The following ZRANB3 variants were observed in gnomAD, a reference collection of about 807,000 sequenced individuals.
The protein encoded by ZRANB3 is zinc finger RANBP2-type containing 3, also known as DNA annealing helicase and endonuclease ZRANB3.
In ZRANB3, 125 loss-of-function variants were observed where a neutral mutation model predicts 133.8. The observed-to-expected ratio is 0.93, with a 90% CI of 0.81 to 1.08. The LOEUF (loss-of-function observed/expected upper bound fraction) is 1.08. Ranked by LOEUF, ZRANB3 falls within the 50% of genes least tolerant of loss-of-function variation. The probability of loss-of-function intolerance (pLI) is 0.00; values close to 1 mark genes in which losing one functional copy is unlikely to be tolerated. For synonymous variants in ZRANB3, 387 were observed against 432.7 expected, an observed-to-expected ratio of 0.89 and a Z score of 1.31; for missense variants, 1,229 against 1,275.5, an observed-to-expected ratio of 0.96 and a Z score of 0.56.
intron 1 of ZRANB3, among the ~76,000 whole-genome samples, chr2:135,528,102 A>C (rs184108524): frequency 7.7e-4 from 117 of 152,006 alleles, no homozygotes; most frequent in Admixed American, 6.2e-3. Context: ...ATGAATCTCA[A>C]CTCAAATTTA....
intron 8 of ZRANB3, among the ~76,000 whole-genome samples, chr2:135,280,083 A>C (rs944125589): frequency 6.6e-6 from 1 of 152,230 alleles, no homozygotes; most frequent in Non-Finnish European, 1.5e-5. Context: ...TTAAGTACAT[A>C]GTATGTGGAA....
chr2:135,364,177 T>G (rs888037196), intron 3 of ZRANB3, among the ~76,000 whole-genome samples: 2 of 152,106 alleles, frequency 1.3e-5, no homozygotes, highest in Admixed American at 1.3e-4. Context: ...AAAATGATTC[T>G]TATGTGGATG....
intron 2 of ZRANB3, among the ~76,000 whole-genome samples, chr2:135,453,406 G>A (rs954737605): frequency 2.6e-5 from 4 of 152,190 alleles, no homozygotes; most frequent in Admixed American, 1.3e-4. Flanking sequence ...TTCTCCTCAA[G>A]AAATAGATTT....
intron 1 of ZRANB3, among the ~76,000 whole-genome samples, chr2:135,529,248 G>A (rs919064490): frequency 3.9e-5 from 6 of 152,156 alleles, no homozygotes; most frequent in Non-Finnish European, 8.8e-5. Flanking sequence ...AAGGGCACAC[G>A]CATAGGGAGG....
At chr2:135,223,748 T>C (rs2105059111) in intron 15 of ZRANB3, among the ~76,000 whole-genome samples, 1 of 152,126 alleles carries the variant, frequency 6.6e-6, no homozygotes, top group African/African-American at 2.4e-5. Context: ...TGCAAAGGGG[T>C]ACTGAATCTA....
intron 15 of ZRANB3, among the ~76,000 whole-genome samples, chr2:135,221,441 A>G (rs1449880843): frequency 6.6e-6 from 1 of 152,198 alleles, no homozygotes; most frequent in Non-Finnish European, 1.5e-5. Flanking sequence ...CAGCAGGTGC[A>G]TTATACCCTC....
At chr2:135,263,800 G>C (rs1680085702) in intron 12 of ZRANB3, among the ~76,000 whole-genome samples, 1 of 150,504 alleles carries the variant, frequency 6.6e-6, no homozygotes, top group African/African-American at 2.5e-5. Flanking sequence ...TTTTTAGACA[G>C]AGTCTCACTC....
intron 2 of ZRANB3, among the ~76,000 whole-genome samples, chr2:135,428,846 G>A (rs376167733): frequency 1.3e-5 from 2 of 152,166 alleles, no homozygotes; most frequent in Non-Finnish European, 2.9e-5. Context: ...ACTGTCTCAC[G>A]CCATCCGGAA....
rs976642320 is a variant in ZRANB3, at chr2:135,244,298, C to G, written c.1540-13371G>C. Among the ~76,000 whole-genome samples the G allele has an allele frequency of 2.6e-5, 4 of 152,120 alleles. No homozygotes were observed. In the East Asian group the frequency reaches 7.8e-4, roughly 30 times the overall value. On this transcript the variant is annotated intron_variant, in intron 12 of 20. Coordinates refer to ENST00000264159, the MANE Select transcript of ZRANB3 (RefSeq NM_032143.4). ...CCACCCTGGACAACATATCAAAACC[C>G]CATCTCTACTAAAAACACAAAAATT...
At chr2:135,235,457 T>C (rs1695242880) in intron 12 of ZRANB3, among the ~76,000 whole-genome samples, 1 of 152,156 alleles carries the variant, frequency 6.6e-6, no homozygotes, top group African/African-American at 2.4e-5. Flanking sequence ...ATCATCCTGA[T>C]ACCAAAGCCT....
rs1437098130 is a variant in ZRANB3 at position 135,286,327 on chromosome 2, G to C, written c.967-10572C>G. Among the ~76,000 whole-genome samples, 19 of 152,218 alleles carry C rather than the reference G, an allele frequency of 1.2e-4. No individual in the cohort carries two copies. The East Asian group carries it at 3.3e-3, about 26-fold the overall frequency. ...GAGTCTGGCTTTGCCACCCAGGCTG[G>C]AGTGCAGTGGTACAATCTCGGCTCA... On this transcript the variant is annotated intron_variant, in intron 8 of 20. Coordinates refer to ENST00000264159, the MANE Select transcript of ZRANB3 (RefSeq NM_032143.4).
At chr2:135,209,074 A>G (rs1202532946) in intron 17 of ZRANB3, 96 bp from the exon 18 acceptor site, 1 of 1,180,594 alleles carries the variant, frequency 8.5e-7, no homozygotes, top group African/African-American at 1.5e-5. Flanking sequence ...AATAGAAGAA[A>G]AAGCAAGCAC....
intron 2 of ZRANB3, among the ~76,000 whole-genome samples, chr2:135,411,968 A>G (rs1688321759): frequency 6.6e-6 from 1 of 152,162 alleles, no homozygotes; most frequent in Non-Finnish European, 1.5e-5. Flanking sequence ...AACTTATACC[A>G]TAACATCAGT....
At chr2:135,300,813 C>T (rs2104808290) in intron 8 of ZRANB3, among the ~76,000 whole-genome samples, 1 of 152,272 alleles carries the variant, frequency 6.6e-6, no homozygotes, top group South Asian at 2.1e-4. Context: ...GATTCTCTGC[C>T]TATTAGTTAT....
intron 2 of ZRANB3, among the ~76,000 whole-genome samples, chr2:135,413,170 T>C (rs1368967436): frequency 6.6e-6 from 1 of 152,198 alleles, no homozygotes; most frequent in Non-Finnish European, 1.5e-5. Context: ...ACTTCGGATA[T>C]ATCCTTCCAC....
chr2:135,325,294 C>T (rs994559270), intron 6 of ZRANB3, among the ~76,000 whole-genome samples: 5 of 152,170 alleles, frequency 3.3e-5, no homozygotes, highest in Non-Finnish European at 7.3e-5. Flanking sequence ...CAACTTATTA[C>T]ATTGAAAATT....
At chr2:135,292,753 T>A (rs1681823861) in intron 8 of ZRANB3, among the ~76,000 whole-genome samples, 1 of 152,210 alleles carries the variant, frequency 6.6e-6, no homozygotes, top group Admixed American at 6.5e-5. Context: ...CTTTAATCCA[T>A]CTTGAATTAA....
intron 1 of ZRANB3, among the ~76,000 whole-genome samples, chr2:135,513,018 C>A (rs1368789423): frequency 6.6e-6 from 1 of 152,036 alleles, no homozygotes; most frequent in Non-Finnish European, 1.5e-5. Flanking sequence ...TTGTGTGAAG[C>A]CAGCCTAAAC....
At chr2:135,388,724 G>C (rs541657460) in intron 3 of ZRANB3, among the ~76,000 whole-genome samples, 2 of 152,244 alleles carry the variant, frequency 1.3e-5, no homozygotes, top group African/African-American at 4.8e-5. Context: ...AAAAACGTAA[G>C]CCTCTTTCAG....
Sources: gnomAD v4.1 joint callset for allele counts (sites outside exome capture counted in the v4.1 genomes callset) on GRCh38, gnomAD v4.1.1 for gene constraint, MANE v1.5 for transcripts, NCBI Gene and HGNC (gene_info 2026-07-23, HGNC 2026-07-21) for gene names.